Variants in HLA-DQA2 observed in about 807,000 individuals in gnomAD.
The protein encoded by HLA-DQA2 is major histocompatibility complex, class II, DQ alpha 2, also known as HLA class II histocompatibility antigen, DQ alpha 2 chain.
In HLA-DQA2, 17 loss-of-function variants were observed where a neutral mutation model predicts 21.0. The observed-to-expected ratio is 0.81, with a 90% CI of 0.56 to 1.22. The LOEUF is 1.22. Ranked by LOEUF, HLA-DQA2 falls within the 50% of genes most tolerant of loss-of-function variation. HLA-DQA2 has a pLI of 0.00. For synonymous variants in HLA-DQA2, 81 were observed against 116.5 expected, an observed-to-expected ratio of 0.70 and a Z score of 1.96; for missense variants, 239 against 308.8, an observed-to-expected ratio of 0.77 and a Z score of 1.69.
At chr6:32,745,082 GT>G in intron 1 of HLA-DQA2, 76 bp from the exon 2 acceptor site, 2 of 1,490,236 alleles carry the variant, frequency 1.3e-6, no homozygotes, top group Non-Finnish European at 1.8e-6. Flanking sequence ...TTGAAAGTGA[GT>G]TTCTTCAATC....
chr6:32,743,623 T>C (rs2227128), intron 1 of HLA-DQA2, among the ~76,000 whole-genome samples: 94,939 of 151,418 alleles, frequency 0.63, 30,150 homozygotes, highest in East Asian at 0.85. Flanking sequence ...CAGCAACACT[T>C]AGCACCCAGG....
chr6:32,746,960 C>T lies in HLA-DQA2; in HGVS notation c.*399C>T, dbSNP rs1763644444. On this transcript the variant is annotated 3_prime_UTR_variant, in exon 5 of 5. Transcript: ENST00000374940. Reference sequence around the variant, plus strand: ...AGAGCATAACTTAGAATGGGCGACTCTTATGTTTTAGGCCAATTTCATATC... The same window carrying T: ...AGAGCATAACTTAGAATGGGCGACTTTTATGTTTTAGGCCAATTTCATATC... The T allele has an allele frequency of 1.4e-5, 4 of 290,632 alleles. No homozygotes were observed. The highest frequency in any genetic ancestry group is 7.4e-5 in the South Asian group (2 of 27,188). The allele number at this position is 290,632 out of a possible 1,614,324, so 18.0% of individuals were successfully genotyped here.
chr6:32,746,380 C>T lies in HLA-DQA2; in HGVS notation c.754C>T (p.Gln252Ter). ...GLRSVGASRH[Q>*]GLL The stretch of plus-strand genomic sequence containing the variant: ...GCGTTCAGTTGGTGCTTCCAGACAC[C>T]AAGGGCTCTTATGAATCCCATCCTG... Residue 252 changes from glutamine to a stop codon, truncating the protein, a stop_gained, in exon 4 of 5, where the codon CAA becomes TAA. Transcript: ENST00000374940. LOFTEE classifies it high-confidence loss of function. 1.2e-6 allele frequency: 2 copies of T among 1,609,756 alleles called. No homozygotes were observed. The highest frequency in any genetic ancestry group is 8.5e-7 in the Non-Finnish European group (1 of 1,179,182).
intron 4 of HLA-DQA2, 79 bp from the exon 5 acceptor site, chr6:32,746,502 TG>T: frequency 6.7e-7 from 1 of 1,486,788 alleles, no homozygotes; most frequent in Non-Finnish European, 9.4e-7. Context: ...GGTTGAAAGT[TG>T]TAGGCGAATT....
At chr6:32,744,670 G>GT (rs1316309961) in intron 1 of HLA-DQA2, among the ~76,000 whole-genome samples, 2 of 67,858 alleles carry the variant, frequency 2.9e-5, no homozygotes, top group South Asian at 1.1e-3. Flanking sequence ...CTTTTCTTTG[G>GT]TTTAAAAAAA....
chr6:32,741,836 A>AT (rs1763237879), intron 1 of HLA-DQA2, among the ~76,000 whole-genome samples: 2 of 152,084 alleles, frequency 1.3e-5, no homozygotes, highest in African/African-American at 4.8e-5. Flanking sequence ...TGAATGGAGT[A>AT]TTTTTTTGTT....
At chr6:32,745,430 CT>C (rs772666108) in intron 2 of HLA-DQA2, 23 bp downstream of exon 2, 2 of 1,606,794 alleles carry the variant, frequency 1.2e-6, no homozygotes, top group Non-Finnish European at 8.5e-7. Context: ...CATTCCGCCT[CT>C]CTTTACTGAA....
rs372036201 is a variant in HLA-DQA2 at position 32,747,041 on chromosome 6, T to C, written c.*480T>C. On this transcript the variant is annotated 3_prime_UTR_variant, in exon 5 of 5. Coordinates refer to ENST00000374940, the MANE Select transcript of HLA-DQA2 (RefSeq NM_020056.5). ...CACAGGAGCAACCAAGTACAGTGTA[T>C]CCTGATAATTTGTTGATTTCTTAAC... 33 of 194,650 alleles carry C rather than the reference T, an allele frequency of 1.7e-4. 2 individuals are homozygous for C. The East Asian group carries it at 2.4e-3, about 14-fold the overall frequency. The allele number at this position is 194,650 out of a possible 1,614,324, so 12.1% of individuals were successfully genotyped here.
At chr6:32,746,155 G>A (rs888373190) in intron 3 of HLA-DQA2, 83 bp downstream of exon 3, 1 of 1,508,780 alleles carries the variant, frequency 6.6e-7, no homozygotes, top group African/African-American at 1.6e-5. Context: ...GAGTCTTGCA[G>A]AGCCAGCCCT....
At chr6:32,744,685 A>AT (rs9282269) in intron 1 of HLA-DQA2, among the ~76,000 whole-genome samples, 93,076 of 151,484 alleles carry the variant, frequency 0.61, 29,010 homozygotes, top group East Asian at 0.81. Flanking sequence ...AAAAAAAAAA[A>AT]AAAGGAAACT....
chr6:32,746,797 C>G lies in HLA-DQA2; in HGVS notation c.*236C>G, dbSNP rs1763633387. 6 of 412,150 alleles carry G rather than the reference C, an allele frequency of 1.5e-5. No homozygotes were observed. Among genetic ancestry groups the G allele is most frequent in the South Asian group, 1.2e-4 (6 of 51,632 alleles). 25.5% of individuals were successfully genotyped at this position (412,150 alleles called of 1,614,324 possible). A position where few individuals can be genotyped will look rare whatever the true frequency, so the allele number is the denominator to read the frequency against. ...AATTTTTTTATTTTCTCAAATGTTACCTACTAAGGGATGCCTGGGTAAGCC... is the reference window on the plus strand; with the variant it reads ...AATTTTTTTATTTTCTCAAATGTTAGCTACTAAGGGATGCCTGGGTAAGCC... On this transcript the variant is annotated 3_prime_UTR_variant, in exon 5 of 5. Transcript: ENST00000374940.
intron 1 of HLA-DQA2, among the ~76,000 whole-genome samples, chr6:32,741,731 G>A (rs1763228661): frequency 6.6e-6 from 1 of 152,206 alleles, no homozygotes; most frequent in African/African-American, 2.4e-5. Flanking sequence ...AGTTTACCAA[G>A]GACGTTGTTC....
intron 1 of HLA-DQA2, among the ~76,000 whole-genome samples, chr6:32,744,282 A>G (rs891161823): frequency 6.6e-6 from 1 of 152,184 alleles, no homozygotes; most frequent in Non-Finnish European, 1.5e-5. Context: ...TCATTTGGCT[A>G]TACTTCATGG....
At chr6:32,742,753 G>T (rs1763296352) in intron 1 of HLA-DQA2, among the ~76,000 whole-genome samples, 1 of 151,990 alleles carries the variant, frequency 6.6e-6, no homozygotes. Context: ...TTATCCATTA[G>T]GAACAGTGTG....
intron 4 of HLA-DQA2, 50 bp downstream of exon 4, chr6:32,746,464 A>G: frequency 6.3e-7 from 1 of 1,591,546 alleles, no homozygotes; most frequent in Admixed American, 1.7e-5. Flanking sequence ...GAGGGAGGAA[A>G]GTGGGAGGGG....
At chr6:32,746,556 T>C in intron 4 of HLA-DQA2, 26 bp from the exon 5 acceptor site, 1 of 894,220 alleles carries the variant, frequency 1.1e-6, no homozygotes, top group South Asian at 1.4e-5. Flanking sequence ...CTCAGACCCA[T>C]CGATCTCATG....
In HLA-DQA2 at chr6:32,741,439, A is replaced by G; in HGVS notation, c.-5A>G. On this transcript the variant is annotated 5_prime_UTR_variant, in exon 1 of 5. Transcript: ENST00000374940. ...AGCAACTGCTGAGGCTGCCTTGGGA[A>G]GAAGATGATCCTAAACAAAGCTCTG... is the stretch of plus-strand genomic sequence containing the variant. 6.2e-7 allele frequency: 1 copy of G among 1,613,492 alleles called. No individual in the cohort carries two copies. Among genetic ancestry groups the G allele is most frequent in the East Asian group, 2.2e-5 (1 of 44,884 alleles).
chr6:32,741,569 T>C (rs2051599), intron 1 of HLA-DQA2, 44 bp downstream of exon 1: 585,939 of 1,519,644 alleles, frequency 0.39, 95,880 homozygotes, highest in East Asian at 0.63. Context: ...TGAAAAACAG[T>C]AAATTAAAGG....
intron 1 of HLA-DQA2, 120 bp from the exon 2 acceptor site, chr6:32,745,039 C>T (rs1763464727): frequency 1.7e-6 from 2 of 1,200,352 alleles, no homozygotes; most frequent in Admixed American, 4.4e-5. Context: ...GAAGATTGTT[C>T]AGGGACTGTG....
Sources: allele counts gnomAD v4.1 joint callset (sites outside exome capture counted in the v4.1 genomes callset), GRCh38; gene constraint gnomAD v4.1.1; transcripts MANE v1.5; gene names NCBI Gene and HGNC (gene_info 2026-07-23, HGNC 2026-07-21).